The following RNF24 variants were observed in gnomAD, a reference collection of about 807,000 sequenced individuals.
The protein encoded by RNF24 is ring finger protein 24.
RNF24 carries 14 observed loss-of-function variants against 20.0 expected under a neutral mutation model. The ratio of observed to expected loss-of-function variants is 0.70; its 90% CI spans 0.46 to 1.10. The LOEUF (loss-of-function observed/expected upper bound fraction) is 1.10. Among genes scored for constraint, RNF24 ranks in the 50% least tolerant of loss-of-function variants. RNF24 has a pLI of 0.00. For synonymous variants in RNF24, 45 were observed against 61.1 expected, an observed-to-expected ratio of 0.74 and a Z score of 1.23; for missense variants, 124 against 177.6, an observed-to-expected ratio of 0.70 and a Z score of 1.71.
At chr20:3,969,150 A>G (rs1354140577) in intron 1 of RNF24, among the ~76,000 whole-genome samples, 4 of 152,192 alleles carry the variant, frequency 2.6e-5, no homozygotes, top group Non-Finnish European at 4.4e-5. Context: ...AAAGCACTTA[A>G]AGCACTTAGA....
At chr20:3,974,343 C>A in intron 1 of RNF24, 1 of 1,550,558 alleles carries the variant, frequency 6.4e-7, no homozygotes, top group Non-Finnish European at 8.7e-7. Flanking sequence ...CCCCTAAGAC[C>A]GGGAACAAGG....
chr20:3,950,745 A>G (rs2091071862), intron 2 of RNF24, among the ~76,000 whole-genome samples: 1 of 152,242 alleles, frequency 6.6e-6, no homozygotes, highest in Admixed American at 6.5e-5. Context: ...TGTATATACT[A>G]TGTCCACATT....
Position 4,015,418 on chromosome 20 carries a change from C to A in RNF24, c.-8+19G>T, listed in dbSNP as rs1982818949. On this transcript the variant is annotated intron_variant, in intron 1 of 5. Coordinates refer to ENST00000358395, the MANE Select transcript of RNF24 (RefSeq NM_001134337.3). ...GGGGGCGGCGGCCGCGGCGCTCCCGCCCTCGCTCGCTCACTTACTCGGGCG... is the reference window on the plus strand; with the variant it reads ...GGGGGCGGCGGCCGCGGCGCTCCCGACCTCGCTCGCTCACTTACTCGGGCG... The A allele has an allele frequency of 6.6e-6, 1 of 151,456 alleles. No homozygotes were observed. Among genetic ancestry groups the A allele is most frequent in the Non-Finnish European group, 1.5e-5 (1 of 67,806 alleles). 9.4% of individuals were successfully genotyped at this position (151,456 alleles called of 1,614,324 possible).
At chr20:3,995,816 T>TTTGGTTCTGC (rs1186274376) in intron 1 of RNF24, among the ~76,000 whole-genome samples, 1 of 151,990 alleles carries the variant, frequency 6.6e-6, no homozygotes, top group Non-Finnish European at 1.5e-5. Context: ...GGGGGGTGAA[T>TTTGGTTCTGC]TTGGTTCTGC....
intron 1 of RNF24, among the ~76,000 whole-genome samples, chr20:3,979,163 T>C (rs1425536497): frequency 6.6e-6 from 1 of 151,250 alleles, no homozygotes; most frequent in East Asian, 1.9e-4. Flanking sequence ...TGTGTGTGCG[T>C]GTGTGTGTAT....
At chr20:4,011,360 A>G (rs1982445056) in intron 1 of RNF24, among the ~76,000 whole-genome samples, 1 of 152,224 alleles carries the variant, frequency 6.6e-6, no homozygotes, top group African/African-American at 2.4e-5. Context: ...ACCCTTTCTC[A>G]GGAAGCTACT....
rs2300214 is a variant in RNF24, at chr20:3,994,578, C to T, written c.-8+20859G>A. On this transcript the variant is annotated intron_variant, in intron 1 of 5. Coordinates refer to ENST00000358395, the MANE Select transcript of RNF24 (RefSeq NM_001134337.3). ...CTAAATTTTCTCTACATAGTGATCT[C>T]CTTTTCTAATTGGTAGCATAAAGTT... Among the ~76,000 whole-genome samples the T allele has an allele frequency of 4.6e-3, 693 of 152,292 alleles. 14 individuals are homozygous for T. The highest frequency in any genetic ancestry group is 0.03 in the Admixed American group (456 of 15,302).
chr20:3,985,845 T>A (rs1312088649), intron 1 of RNF24, among the ~76,000 whole-genome samples: 1 of 151,840 alleles, frequency 6.6e-6, no homozygotes, highest in Non-Finnish European at 1.5e-5. Flanking sequence ...TCAAGCGAAT[T>A]CTCCTACCTC....
In RNF24 at chr20:3,932,810, A is replaced by G; in HGVS notation, c.*1253T>C. On this transcript the variant is annotated 3_prime_UTR_variant, in exon 6 of 6. Coordinates refer to ENST00000358395, the MANE Select transcript of RNF24 (RefSeq NM_001134337.3). ...ACTTTCCATAGCTAATTTATACAAT[A>G]TTCACAAATCTTAATGGACTTTGAG... 2.5e-6 allele frequency: 1 copy of G among 397,846 alleles called. No homozygotes were observed. The highest frequency in any genetic ancestry group is 4.4e-6 in the Non-Finnish European group (1 of 226,030). The allele number at this position is 397,846 out of a possible 1,614,324, so 24.6% of individuals were successfully genotyped here.
chr20:3,967,973 C>CAA (rs58984163), intron 1 of RNF24, among the ~76,000 whole-genome samples: 602 of 76,704 alleles, frequency 7.8e-3, no homozygotes, highest in South Asian at 0.01. Flanking sequence ...AGCCTGGCAA[C>CAA]AAAAAAAAAA....
intron 4 of RNF24, among the ~76,000 whole-genome samples, chr20:3,943,459 G>C (rs945710109): frequency 6.6e-6 from 1 of 152,302 alleles, no homozygotes; most frequent in Middle Eastern, 3.4e-3. Flanking sequence ...TAATAATCAA[G>C]ACAGTGTGGT....
At chr20:3,954,500 T>C (rs2091119293) in intron 2 of RNF24, among the ~76,000 whole-genome samples, 1 of 152,236 alleles carries the variant, frequency 6.6e-6, no homozygotes, top group African/African-American at 2.4e-5. Flanking sequence ...GGGTTGTTTA[T>C]ACCTTTTGGC....
At chr20:3,995,242 T>A (rs1013801274) in intron 1 of RNF24, among the ~76,000 whole-genome samples, 1 of 152,168 alleles carries the variant, frequency 6.6e-6, no homozygotes, top group Non-Finnish European at 1.5e-5. Flanking sequence ...ATCATTCCCA[T>A]CAGGTCTCTT....
chr20:3,957,414 T>G (rs1489245231), intron 2 of RNF24, among the ~76,000 whole-genome samples: 2 of 148,124 alleles, frequency 1.4e-5, no homozygotes, highest in African/African-American at 5.0e-5. Flanking sequence ...GCTATGATCA[T>G]GACATTGCTC....
At chr20:3,983,409 T>C (rs1460977050) in intron 1 of RNF24, among the ~76,000 whole-genome samples, 1 of 152,170 alleles carries the variant, frequency 6.6e-6, no homozygotes, top group African/African-American at 2.4e-5. Context: ...TGGTTATTTC[T>C]AGCATTTAAA....
intron 1 of RNF24, among the ~76,000 whole-genome samples, chr20:4,007,024 A>G (rs1480594296): frequency 6.6e-6 from 1 of 152,222 alleles, no homozygotes; most frequent in African/African-American, 2.4e-5. Context: ...CTGAGATTTG[A>G]ATTGCTCAGA....
At chr20:3,944,067 G>C (rs1057017856) in intron 4 of RNF24, among the ~76,000 whole-genome samples, 6 of 152,026 alleles carry the variant, frequency 3.9e-5, no homozygotes, top group Admixed American at 2.0e-4. Flanking sequence ...AAAATTAGCT[G>C]GGTGTGGTGG....
chr20:4,007,738 CAAAAAAAAA>C (rs1161702317), intron 1 of RNF24, among the ~76,000 whole-genome samples: 1 of 56,328 alleles, frequency 1.8e-5, no homozygotes, highest in Non-Finnish European at 3.6e-5. Context: ...CCTGTCTCTA[CAAAAAAAAA>C]AAAAAAAAAA....
intron 1 of RNF24, among the ~76,000 whole-genome samples, chr20:4,003,633 C>CTTTTTTTTT (rs377227990): frequency 2.4e-5 from 2 of 84,426 alleles, no homozygotes; most frequent in African/African-American, 4.8e-5. Context: ...TTAGAAACTC[C>CTTTTTTTTT]TTTTTTTTTT....
Sources: allele counts gnomAD v4.1 joint callset (sites outside exome capture counted in the v4.1 genomes callset), GRCh38; gene constraint gnomAD v4.1.1; transcripts MANE v1.5; gene names NCBI Gene and HGNC (gene_info 2026-07-23, HGNC 2026-07-21).